The following RAD51 variants were observed in gnomAD, a reference collection of about 807,000 sequenced individuals.
The protein encoded by RAD51 is RAD51 recombinase.
In RAD51, 14 loss-of-function variants were observed where a neutral mutation model predicts 41.5. The observed-to-expected ratio is 0.34, with a 90% confidence interval of 0.22 to 0.53. The LOEUF (loss-of-function observed/expected upper bound fraction) is 0.53. RAD51 is among the 20% of genes least tolerant of loss of function. The pLI is 0.95. For synonymous variants in RAD51, 136 were observed against 148.6 expected (o/e 0.92, Z 0.62); for missense variants, 234 against 422.0 (o/e 0.55, Z 3.90).
At chr15:40,715,665 T>C (rs553148006) in intron 5 of RAD51, among the ~76,000 whole-genome samples, 2 of 152,326 alleles carry the variant, frequency 1.3e-5, no homozygotes, top group South Asian at 4.1e-4. Flanking sequence ...GAACAGAGCA[T>C]GCAATCCATC....
intron 5 of RAD51, among the ~76,000 whole-genome samples, chr15:40,712,872 CTTTTCTTT>C (rs1233343814): frequency 1.5e-3 from 138 of 89,356 alleles, no homozygotes; most frequent in African/African-American, 5.8e-3. Flanking sequence ...TTTTTCTTTT[CTTTTCTTT>C]TTTTTTTTTT....
At chr15:40,715,786 G>T (rs1489399861) in intron 5 of RAD51, among the ~76,000 whole-genome samples, 2 of 152,198 alleles carry the variant, frequency 1.3e-5, no homozygotes, top group Admixed American at 1.3e-4. Context: ...AATTGGAAAA[G>T]AATCCCCTGT....
intron 5 of RAD51, among the ~76,000 whole-genome samples, chr15:40,713,858 G>A (rs934069185): frequency 1.3e-5 from 2 of 150,472 alleles, no homozygotes; most frequent in Non-Finnish European, 3.0e-5. Flanking sequence ...CGCCCACCTT[G>A]GTCTCTCAAA....
intron 3 of RAD51, among the ~76,000 whole-genome samples, chr15:40,701,453 C>G (rs1331766612): frequency 6.8e-6 from 1 of 146,340 alleles, no homozygotes. Context: ...CAGCTCACTG[C>G]AACCTTCACC....
At chr15:40,697,618 C>T (rs1894730004) in intron 1 of RAD51, among the ~76,000 whole-genome samples, 1 of 137,540 alleles carries the variant, frequency 7.3e-6, no homozygotes, top group Non-Finnish European at 1.5e-5. Context: ...CACTCTGTCG[C>T]CCAGGCTGGA....
rs201630587 is a variant in RAD51 at position 40,701,296 on chromosome 15, G to A, written c.225+95G>A. The A allele has an allele frequency of 2.0e-5, 27 of 1,374,572 alleles. 1 individual carries two copies. The Middle Eastern group carries it at 8.0e-4, about 41-fold the overall frequency. 85.1% of individuals were successfully genotyped at this position (1,374,572 alleles called of 1,614,324 possible). A position where few individuals can be genotyped will look rare whatever the true frequency, so the allele number is the denominator to read the frequency against. On this transcript the variant is annotated intron_variant, in intron 3 of 9. Coordinates refer to ENST00000267868, the MANE Select transcript of RAD51 (RefSeq NM_002875.5). ...TTCTTCCTTCTATCTCTTATTCTTC[G>A]GTCATCTCATTATCCTTTCCAGGGG...
At chr15:40,704,342 T>G (rs1333935166) in intron 3 of RAD51, among the ~76,000 whole-genome samples, 2 of 145,862 alleles carry the variant, frequency 1.4e-5, no homozygotes, top group African/African-American at 5.1e-5. Context: ...GGGATTACAG[T>G]CGTGAGCCAC....
At position 40,697,574 on chromosome 15, in the gene RAD51, CTTTTTTTT is replaced by C. The variant is rs11340353; in HGVS notation, c.-2-1169_-2-1162del. Among the ~76,000 whole-genome samples the C allele has an allele frequency of 3.6e-3, 385 of 105,512 alleles. 7 individuals carry two copies. The East Asian group carries it at 0.064, about 17-fold the overall frequency. 69.2% of individuals were successfully genotyped at this position (105,512 alleles called of 152,430 possible). A position where few individuals can be genotyped will look rare whatever the true frequency, so the allele number is the denominator to read the frequency against. On this transcript the variant is annotated intron_variant, in intron 1 of 9. Coordinates refer to ENST00000267868, the MANE Select transcript of RAD51 (RefSeq NM_002875.5). ...ATTTATGAGATACAAGATGATATTT[CTTTTTTTT>C]TTTTTTTTTTTTTGAGACGGAGTCT...
intron 5 of RAD51, among the ~76,000 whole-genome samples, chr15:40,714,155 T>C (rs1473465452): frequency 6.6e-6 from 1 of 151,896 alleles, no homozygotes; most frequent in East Asian, 1.9e-4. Context: ...AAGAAAGAGC[T>C]GAGGGGGAGG....
chr15:40,706,410 A>C (rs1895341478), intron 4 of RAD51, 116 bp downstream of exon 4: 1 of 912,518 alleles, frequency 1.1e-6, no homozygotes, highest in Non-Finnish European at 1.8e-6. Context: ...AAAGAGATAG[A>C]GGAAGGCCAG....
chr15:40,721,041 G>T (rs1006949374), intron 6 of RAD51, among the ~76,000 whole-genome samples: 16 of 152,186 alleles, frequency 1.1e-4, no homozygotes, highest in African/African-American at 3.6e-4. Flanking sequence ...AATTAGCCAG[G>T]CATGGTGGCA....
chr15:40,702,703 A>G (rs1684868968), intron 3 of RAD51, among the ~76,000 whole-genome samples: 1 of 151,992 alleles, frequency 6.6e-6, no homozygotes, highest in Non-Finnish European at 1.5e-5. Context: ...TTTTCAGTTG[A>G]GACGGGGTTT....
Position 40,729,987 on chromosome 15 carries a change from T to C in RAD51, c.896+13T>C. 6.2e-7 allele frequency: 1 copy of C among 1,613,702 alleles called. No homozygotes were observed. Among genetic ancestry groups the C allele is most frequent in the Non-Finnish European group, 8.5e-7 (1 of 1,179,608 alleles). On this transcript the variant is annotated intron_variant, in intron 9 of 9. Transcript: ENST00000267868. ...CATCAACAACCAGGTAAGGTGTTGATGGGATCAGTTCTTCTTTTCGGAATG... is the reference window on the plus strand; with the variant it reads ...CATCAACAACCAGGTAAGGTGTTGACGGGATCAGTTCTTCTTTTCGGAATG...
intron 4 of RAD51, among the ~76,000 whole-genome samples, chr15:40,707,091 A>G (rs889834881): frequency 3.3e-5 from 5 of 149,570 alleles, no homozygotes; most frequent in African/African-American, 1.2e-4. Flanking sequence ...CCTGGGCTCA[A>G]GTGATCTTCT....
chr15:40,722,417 G>GCA (rs1365978617), intron 6 of RAD51, among the ~76,000 whole-genome samples: 1 of 130,532 alleles, frequency 7.7e-6, no homozygotes, highest in Non-Finnish European at 1.7e-5. Flanking sequence ...CTGGCTCGGG[G>GCA]AAAAAAAAAA....
At chr15:40,702,328 C>T (rs1895056650) in intron 3 of RAD51, among the ~76,000 whole-genome samples, 1 of 152,104 alleles carries the variant, frequency 6.6e-6, no homozygotes, top group Non-Finnish European at 1.5e-5. Context: ...CTGACAGGAT[C>T]TTTTCTTTTT....
At chr15:40,697,714 CTA>C (rs1894738374) in intron 1 of RAD51, among the ~76,000 whole-genome samples, 1 of 151,538 alleles carries the variant, frequency 6.6e-6, no homozygotes, top group Admixed American at 6.6e-5. Context: ...CCACGCCCAG[CTA>C]ATTTTTTGTA....
At chr15:40,729,734 G>A in intron 8 of RAD51, 100 bp downstream of exon 8, 2 of 1,609,466 alleles carry the variant, frequency 1.2e-6, no homozygotes, top group Non-Finnish European at 1.7e-6. Context: ...AGATCATCAA[G>A]CTCTTAGGAA....
At chr15:40,704,712 C>T (rs1217328363) in intron 3 of RAD51, among the ~76,000 whole-genome samples, 3 of 146,350 alleles carry the variant, frequency 2.0e-5, no homozygotes. Flanking sequence ...CTGTGTCTCT[C>T]AGGCTGGAGT....
Sources: allele counts gnomAD v4.1 joint callset (sites outside exome capture counted in the v4.1 genomes callset), GRCh38; gene constraint gnomAD v4.1.1; transcripts MANE v1.5; gene names NCBI Gene and HGNC (gene_info 2026-07-23, HGNC 2026-07-21).